Variants in KCTD9 observed in about 807,000 individuals in gnomAD.
KCTD9 encodes the protein potassium channel tetramerization domain containing 9.
Under a neutral mutation model 53.3 loss-of-function variants are expected in KCTD9, and 17 were observed. The ratio of observed to expected loss-of-function variants is 0.32; its 90% CI spans 0.22 to 0.48. The LOEUF (loss-of-function observed/expected upper bound fraction) is 0.48. KCTD9 is among the 20% of genes least tolerant of loss of function. The probability of loss-of-function intolerance (pLI) is 0.99; values close to 1 mark genes in which losing one functional copy is unlikely to be tolerated. For missense variants in KCTD9, 179 were observed against 465.5 expected (o/e 0.38, Z 5.66); for synonymous variants, 128 against 162.7 (o/e 0.79, Z 1.62).
chr8:25,454,005 T>A (rs565800867), intron 1 of KCTD9, among the ~76,000 whole-genome samples: 111 of 152,324 alleles, frequency 7.3e-4, no homozygotes, highest in African/African-American at 2.4e-3. Flanking sequence ...CGTAATGGAT[T>A]CAAACCTGGA....
rs1402343063 is a variant in KCTD9 at position 25,436,432 on chromosome 8, C to G, written c.553G>C (p.Glu185Gln). Reference sequence around the variant, plus strand: ...AACAGGCTTACCTTTATTGCCACTTCTAGGTGTTCAATCAATGAGTCAATA... The same window carrying G: ...AACAGGCTTACCTTTATTGCCACTTGTAGGTGTTCAATCAATGAGTCAATA... ...FGIDSLIEHL[E>Q]VAIKNSQPPE... The change falls in exon 7 of 12, where the codon GAA (glutamate) becomes CAA (glutamine). Residue 185 changes from glutamate to glutamine, a missense_variant. Glu to Gln is a conservative substitution (Grantham distance 29). Around this residue, in one of 4 missense-constraint regions of KCTD9, gnomAD observed 115 missense variants for 250.9 expected, o/e 0.46. Transcript: ENST00000221200. 1 of 1,606,230 alleles carries G rather than the reference C, an allele frequency of 6.2e-7. No individual in the cohort carries two copies. Among genetic ancestry groups the G allele is most frequent in the South Asian group, 1.1e-5 (1 of 89,426 alleles).
intron 11 of KCTD9, among the ~76,000 whole-genome samples, chr8:25,432,069 G>A (rs557628840): frequency 6.6e-6 from 1 of 152,240 alleles, no homozygotes; most frequent in East Asian, 1.9e-4. Flanking sequence ...AAGTCTGCTA[G>A]CTAAACTGGC....
At chr8:25,439,794 T>C in intron 4 of KCTD9, 130 bp from the exon 5 acceptor site, 1 of 1,500,868 alleles carries the variant, frequency 6.7e-7, no homozygotes, top group Non-Finnish European at 8.9e-7. Flanking sequence ...GGAGTAACGC[T>C]GGGAAACAAA....
chr8:25,440,353 C>T (rs1168453667), intron 4 of KCTD9, among the ~76,000 whole-genome samples: 3 of 152,078 alleles, frequency 2.0e-5, no homozygotes, highest in Non-Finnish European at 4.4e-5. Flanking sequence ...CCACCGCGCC[C>T]AGCCAAAAGC....
intron 1 of KCTD9, among the ~76,000 whole-genome samples, chr8:25,453,687 T>A (rs1802377124): frequency 6.6e-6 from 1 of 150,380 alleles, no homozygotes; most frequent in African/African-American, 2.4e-5. Flanking sequence ...TAGTTATGCA[T>A]ATATATGTGA....
chr8:25,430,083 A>G (rs531211340), intron 11 of KCTD9, 110 bp from the exon 12 acceptor site: 1 of 700,584 alleles, frequency 1.4e-6, no homozygotes, highest in African/African-American at 1.8e-5. Flanking sequence ...TTATACAATA[A>G]AACTCAGTTA....
At chr8:25,433,785 A>C (rs1801971380) in intron 9 of KCTD9, among the ~76,000 whole-genome samples, 1 of 152,226 alleles carries the variant, frequency 6.6e-6, no homozygotes, top group South Asian at 2.1e-4. Context: ...ATGACAATGA[A>C]ACAGTCAAAA....
intron 1 of KCTD9, among the ~76,000 whole-genome samples, chr8:25,455,543 TAGG>T (rs1376376578): frequency 1.3e-5 from 2 of 152,242 alleles, no homozygotes; most frequent in South Asian, 2.1e-4. Context: ...TTATACATAC[TAGG>T]AGAAGTGGCA....
intron 1 of KCTD9, among the ~76,000 whole-genome samples, chr8:25,453,482 T>C (rs1329915237): frequency 6.6e-6 from 1 of 151,390 alleles, no homozygotes; most frequent in Non-Finnish European, 1.5e-5. Flanking sequence ...GGTGAAACCC[T>C]GTCTCTACTA....
At chr8:25,436,539 T>G (rs1802021520) in intron 6 of KCTD9, 54 bp from the exon 7 acceptor site, 1 of 1,059,640 alleles carries the variant, frequency 9.4e-7, no homozygotes, top group Non-Finnish European at 1.4e-6. Context: ...TGTATTACAT[T>G]CATTTTGAAT....
chr8:25,443,626 CACTT>C (rs1802162606), intron 3 of KCTD9, among the ~76,000 whole-genome samples: 1 of 152,184 alleles, frequency 6.6e-6, no homozygotes, highest in Non-Finnish European at 1.5e-5. Flanking sequence ...CAAGAGTATG[CACTT>C]ACTTCTAAGT....
intron 1 of KCTD9, among the ~76,000 whole-genome samples, chr8:25,447,940 A>C (rs1239491956): frequency 2.0e-5 from 3 of 152,118 alleles, no homozygotes; most frequent in African/African-American, 7.2e-5. Context: ...CTGCCTGGCC[A>C]ACATGGTGAA....
chr8:25,440,579 T>C lies in KCTD9; in HGVS notation c.309A>G (p.Thr103=). The change falls in exon 4 of 12, where the codon ACA becomes ACG. Residue 103 remains threonine, a splice_region_variant and synonymous_variant. Coordinates refer to ENST00000221200, the MANE Select transcript of KCTD9 (RefSeq NM_017634.4). Reference sequence around the variant, plus strand: ...AACACACATACACACACACCTACCGTGTAGTTGTAAAGTACCGCCCTCCAA... The same window carrying C: ...AACACACATACACACACACCTACCGCGTAGTTGTAAAGTACCGCCCTCCAA... The part of the protein sequence containing the change: ...LNVGGRYFTT[T]RSTLVNKEPD... 4 of 1,580,036 alleles carry C rather than the reference T, an allele frequency of 2.5e-6. No individual in the cohort carries two copies. The highest frequency in any genetic ancestry group is 1.1e-5 in the South Asian group (1 of 90,386).
intron 6 of KCTD9, among the ~76,000 whole-genome samples, chr8:25,437,245 A>G (rs1353772458): frequency 1.3e-5 from 2 of 152,162 alleles, no homozygotes; most frequent in African/African-American, 2.4e-5. Context: ...GAAACTCAAC[A>G]TATTATAAAA....
chr8:25,434,185 T>C (rs973051213), intron 9 of KCTD9, among the ~76,000 whole-genome samples: 2 of 152,214 alleles, frequency 1.3e-5, no homozygotes, highest in African/African-American at 4.8e-5. Flanking sequence ...CTGCAATCTC[T>C]GCCTCCCAAG....
At chr8:25,456,615 C>T (rs949750340) in intron 1 of KCTD9, among the ~76,000 whole-genome samples, 1 of 151,946 alleles carries the variant, frequency 6.6e-6, no homozygotes, top group Non-Finnish European at 1.5e-5. Context: ...TTTCCCCAAT[C>T]TTCTGAGATT....
chr8:25,430,721 A>G (rs115146877), intron 11 of KCTD9, among the ~76,000 whole-genome samples: 483 of 152,196 alleles, frequency 3.2e-3, no homozygotes, highest in African/African-American at 0.011. Context: ...ATCTGTGAAA[A>G]TATTTTCTTC....
rs1294872637 is a variant in KCTD9 at position 25,436,423 on chromosome 8, T to C, written c.562A>G (p.Ile188Val). 1.2e-6 allele frequency: 2 copies of C among 1,610,544 alleles called. No homozygotes were observed. Among genetic ancestry groups the C allele is most frequent in the Non-Finnish European group, 8.5e-7 (1 of 1,179,014 alleles). ...DSLIEHLEVAIKNSQPPEDHS... is the reference protein window; with the variant it reads ...DSLIEHLEVAVKNSQPPEDHS... ...TAATGTAAAAACAGGCTTACCTTTA[T>C]TGCCACTTCTAGGTGTTCAATCAAT... The change falls in exon 7 of 12, where the codon ATA (isoleucine) becomes GTA (valine). Residue 188 changes from isoleucine to valine, a missense_variant. By Grantham distance (29) the Ile-to-Val change is conservative (BLOSUM62 3). This residue lies in a region of KCTD9 where 115 missense variants were observed against 250.9 expected (regional missense o/e 0.46). Transcript: ENST00000221200.
At chr8:25,455,563 G>A (rs1388302501) in intron 1 of KCTD9, among the ~76,000 whole-genome samples, 1 of 152,172 alleles carries the variant, frequency 6.6e-6, no homozygotes, top group Non-Finnish European at 1.5e-5. Flanking sequence ...GGCAGCTTCT[G>A]CCATTTCCTC....
Sources: gnomAD v4.1 joint callset for allele counts (sites outside exome capture counted in the v4.1 genomes callset) on GRCh38, gnomAD v4.1.1 for gene constraint, gnomAD v4.1.1 regional missense constraint, MANE v1.5 for transcripts, NCBI Gene and HGNC (gene_info 2026-07-23, HGNC 2026-07-21) for gene names.